DGLUCY: variants seen among roughly 807,000 people sequenced by gnomAD.
DGLUCY encodes the protein D-glutamate cyclase, also known as D-glutamate cyclase, mitochondrial.
In DGLUCY, 58 loss-of-function variants were observed where a neutral mutation model predicts 58.5. The ratio of observed to expected loss-of-function variants is 0.99; its 90% CI spans 0.80 to 1.23. DGLUCY has a LOEUF of 1.23. Ranked by LOEUF, DGLUCY falls within the 50% of genes most tolerant of loss-of-function variation. The pLI is 0.00. For synonymous variants in DGLUCY, 325 were observed against 314.1 expected (o/e 1.03, Z -0.37); for missense variants, 779 against 784.7 (o/e 0.99, Z 0.09).
Position 91,074,160 on chromosome 14 carries a change from C to CACACACACACACACACAT in DGLUCY, c.-82+13457_-82+13458insCACACACACACACACATA, listed in dbSNP as rs1453975330. On this transcript the variant is annotated intron_variant, in intron 1 of 4. Coordinates refer to the DGLUCY transcript ENST00000521334. ...ACACACACACACACACACACACACA[C>CACACACACACACACACAT]AGTCAAGCACCTGTATTCCCAGCTA... Among the ~76,000 whole-genome samples the CACACACACACACACACAT allele has an allele frequency of 4.3e-3, 591 of 135,940 alleles. 22 individuals carry two copies. The highest frequency in any genetic ancestry group is 0.011 in the African/African-American group (374 of 33,682). The allele number at this position is 135,940 out of a possible 152,430, so 89.2% of individuals were successfully genotyped here.
rs1815042353 is a variant in DGLUCY at position 91,189,095 on chromosome 14, A to T, written c.1120A>T (p.Lys374Ter). 6 of 1,614,142 alleles carry T rather than the reference A, an allele frequency of 3.7e-6. No homozygotes were observed. Among genetic ancestry groups the T allele is most frequent in the Non-Finnish European group, 5.1e-6 (6 of 1,180,016 alleles). The change falls in exon 9 of 14, where the codon AAG (lysine) becomes TAG (stop). Residue 374 changes from lysine to a stop codon, truncating the protein, a stop_gained. Coordinates refer to ENST00000256324, the MANE Select transcript of DGLUCY (RefSeq NM_001102368.3). LOFTEE classifies it high-confidence loss of function. ...ALVAFLQALE[K>*]EVAIIVDQRA... ...GGTTGCCTTCCTGCAGGCCTTGGAG[A>T]AGGAGGTCGCCATAATCGTTGACCA...
intron 1 of DGLUCY, among the ~76,000 whole-genome samples, chr14:91,062,378 A>G (rs1379314594): frequency 1.3e-5 from 2 of 150,786 alleles, no homozygotes; most frequent in African/African-American, 2.4e-5. Flanking sequence ...AAAACCCTGA[A>G]TCTACTAAAA....
intron 1 of DGLUCY, among the ~76,000 whole-genome samples, chr14:91,116,703 T>C (rs920783265): frequency 6.6e-6 from 1 of 152,106 alleles, no homozygotes; most frequent in Non-Finnish European, 1.5e-5. Flanking sequence ...CCCAGCACTT[T>C]GGGAGGCCAA....
At position 91,170,051 on chromosome 14, in the gene DGLUCY, C is replaced by T. The variant is rs4900071; in HGVS notation, c.306C>T (p.Gly102=). The T allele has an allele frequency of 0.31, 501,808 of 1,612,118 alleles. 82,502 individuals carry two copies. Among genetic ancestry groups the T allele is most frequent in the Non-Finnish European group, 0.34 (399,458 of 1,179,930 alleles). The stretch of plus-strand genomic sequence containing the variant: ...AATACGAGTTCGGTGCCTGCACCGG[C>T]AGCCTGGCTTCGCTGGAGCAGTACT... ...FWKYEFGACT[G]SLASLEQYSE... Residue 102 remains glycine, a synonymous_variant, in exon 5 of 14, where the codon GGC becomes GGT. Coordinates refer to ENST00000256324, the MANE Select transcript of DGLUCY (RefSeq NM_001102368.3).
Position 91,153,473 on chromosome 14 carries a change from G to A in DGLUCY, c.-81-4166G>A, listed in dbSNP as rs142170273. 6.9e-3 allele frequency among the ~76,000 whole-genome samples: 1,044 copies of A among 152,222 alleles called. 6 individuals carry two copies. The highest frequency in any genetic ancestry group is 0.011 in the Non-Finnish European group (720 of 67,998). On this transcript the variant is annotated intron_variant, in intron 1 of 13. Coordinates refer to ENST00000256324, the MANE Select transcript of DGLUCY (RefSeq NM_001102368.3). The stretch of plus-strand genomic sequence containing the variant: ...GCTGGGATTGCAGGCGTGAGGCACC[G>A]CACCCGGCTGACAGTGAACATTTAT...
intron 8 of DGLUCY, among the ~76,000 whole-genome samples, chr14:91,183,302 A>AT (rs1039949038): frequency 7.2e-5 from 11 of 152,096 alleles, no homozygotes; most frequent in Non-Finnish European, 1.5e-5. Flanking sequence ...GGCCCTGCTG[A>AT]TTCCAATTAG....
intron 9 of DGLUCY, among the ~76,000 whole-genome samples, chr14:91,194,069 A>G (rs1299528885): frequency 6.6e-6 from 1 of 152,120 alleles, no homozygotes; most frequent in African/African-American, 2.4e-5. Flanking sequence ...ATTTTTTACT[A>G]GTATCCTATA....
intron 12 of DGLUCY, among the ~76,000 whole-genome samples, chr14:91,205,819 C>CTCCTCCT (rs1884556439): frequency 6.8e-6 from 1 of 146,510 alleles, no homozygotes; most frequent in Non-Finnish European, 1.5e-5. Flanking sequence ...CCTCCTCCTC[C>CTCCTCCT]TCCTCCTCCC....
chr14:91,132,556 G>A (rs572715057), intron 1 of DGLUCY, among the ~76,000 whole-genome samples: 116 of 150,060 alleles, frequency 7.7e-4, no homozygotes, highest in South Asian at 3.1e-3. Flanking sequence ...TTGGCTCACC[G>A]CAACCTCCAC....
intron 1 of DGLUCY, among the ~76,000 whole-genome samples, chr14:91,135,165 A>G (rs184450462): frequency 8.5e-4 from 130 of 152,132 alleles, no homozygotes; most frequent in African/African-American, 3.0e-3. Flanking sequence ...AGATCAAGCA[A>G]TCCTCCTGCC....
intron 1 of DGLUCY, chr14:91,145,382 G>A (rs1368563324): frequency 6.6e-6 from 1 of 152,160 alleles, no homozygotes; most frequent in East Asian, 1.9e-4. Context: ...CGAGCACCTG[G>A]GCTGATGACC....
chr14:91,142,566 A>C (rs984977562), intron 1 of DGLUCY, among the ~76,000 whole-genome samples: 1 of 152,138 alleles, frequency 6.6e-6, no homozygotes, highest in African/African-American at 2.4e-5. Flanking sequence ...TAAGCCCCAG[A>C]AAAGTGCACC....
intron 5 of DGLUCY, among the ~76,000 whole-genome samples, chr14:91,172,089 G>T (rs1361708575): frequency 6.6e-6 from 1 of 150,750 alleles, no homozygotes; most frequent in Non-Finnish European, 1.5e-5. Flanking sequence ...TTTTATTTTT[G>T]ACAGTTCTTG....
chr14:91,138,246 C>CT (rs1381329643), intron 1 of DGLUCY, among the ~76,000 whole-genome samples: 2 of 152,262 alleles, frequency 1.3e-5, no homozygotes, highest in East Asian at 3.9e-4. Context: ...AATCCCAGCA[C>CT]TTTGGGAGGT....
intron 1 of DGLUCY, among the ~76,000 whole-genome samples, chr14:91,129,585 T>TAA (rs796941268): frequency 7.0e-6 from 1 of 142,038 alleles, no homozygotes; most frequent in African/African-American, 2.6e-5. Context: ...AATTAAAAAT[T>TAA]AAAAAAAAAA....
intron 1 of DGLUCY, among the ~76,000 whole-genome samples, chr14:91,094,958 G>A (rs985664406): frequency 1.3e-5 from 2 of 152,108 alleles, no homozygotes; most frequent in African/African-American, 4.8e-5. Context: ...AAGCTGTGAT[G>A]AATGGAACCT....
intron 10 of DGLUCY, among the ~76,000 whole-genome samples, 196 bp from the exon 11 acceptor site, chr14:91,199,561 A>G (rs975418608): frequency 2.0e-5 from 3 of 152,096 alleles, no homozygotes; most frequent in Non-Finnish European, 4.4e-5. Flanking sequence ...CCCCAATGCT[A>G]TATCTTAAAC....
intron 3 of DGLUCY, among the ~76,000 whole-genome samples, chr14:91,166,073 C>T (rs957258160): frequency 1.3e-5 from 2 of 152,170 alleles, no homozygotes; most frequent in African/African-American, 4.8e-5. Flanking sequence ...AGAAGCTAGA[C>T]TTAAAAGACA....
intron 1 of DGLUCY, among the ~76,000 whole-genome samples, chr14:91,078,809 C>T (rs2044073032): frequency 6.6e-6 from 1 of 151,892 alleles, no homozygotes; most frequent in African/African-American, 2.4e-5. Context: ...CAGGGACAAC[C>T]TCTGGTAATA....
Sources: gnomAD v4.1 joint callset for allele counts (sites outside exome capture counted in the v4.1 genomes callset) on GRCh38, gnomAD v4.1.1 for gene constraint, MANE v1.5 for transcripts, NCBI Gene and HGNC (gene_info 2026-07-23, HGNC 2026-07-21) for gene names.